Variants in MS4A7 observed in about 807,000 individuals in gnomAD.
The protein encoded by MS4A7 is membrane-spanning 4-domains subfamily A member 7.
MS4A7 carries 21 observed loss-of-function variants against 23.5 expected under a neutral mutation model. The ratio of observed to expected loss-of-function variants is 0.89; its 90% CI spans 0.63 to 1.29. The LOEUF (loss-of-function observed/expected upper bound fraction) is 1.29, where lower values mean the gene tolerates loss of function less well. Among genes scored for constraint, MS4A7 ranks in the 50% most tolerant of loss-of-function variants. The pLI is 0.00. For synonymous variants in MS4A7, 111 were observed against 107.4 expected (o/e 1.03, Z -0.21); for missense variants, 263 against 274.2 (o/e 0.96, Z 0.29).
intron 1 of MS4A7, among the ~76,000 whole-genome samples, chr11:60,380,833 TAGGGGA>T (rs2085420949): frequency 6.6e-6 from 1 of 152,058 alleles, no homozygotes; most frequent in African/African-American, 2.4e-5. Context: ...GCTTCAACAA[TAGGGGA>T]GGAAGAATAG....
intron 4 of MS4A7, among the ~76,000 whole-genome samples, chr11:60,388,649 G>T (rs900710692): frequency 1.3e-5 from 2 of 152,114 alleles, no homozygotes; most frequent in Non-Finnish European, 2.9e-5. Context: ...AGGCTGCTAC[G>T]GAGAGAAGCA....
intron 4 of MS4A7, among the ~76,000 whole-genome samples, chr11:60,388,654 G>T (rs2085516116): frequency 6.6e-6 from 1 of 152,168 alleles, no homozygotes; most frequent in Non-Finnish European, 1.5e-5. Flanking sequence ...GCTACGGAGA[G>T]AAGCAAAGGC....
At chr11:60,389,138 GCCAGAAC>G (rs1199275325) in intron 4 of MS4A7, 2 of 470,752 alleles carry the variant, frequency 4.2e-6, no homozygotes, top group Non-Finnish European at 7.7e-6. Flanking sequence ...GAGTCAATGG[GCCAGAAC>G]CCCTCTCCCT....
At chr11:60,383,014 C>G in intron 1 of MS4A7, 115 bp from the exon 2 acceptor site, 3 of 1,155,382 alleles carry the variant, frequency 2.6e-6, no homozygotes, top group Non-Finnish European at 3.7e-6. Flanking sequence ...GAAGGACAAC[C>G]AGCCTTGGAA....
rs747513032 is a variant in MS4A7, at chr11:60,392,705, C to T, written c.567C>T (p.Leu189=). ...TGCAGGGTGTCCTAGTGGTGATGCT[C>T]ATCTTCACTGTGCTGGAGCTCTTAT... ...VSLTGVLVVM[L]IFTVLELLLA... is the part of the protein sequence containing the mutation. Residue 189 remains leucine (L), a synonymous_variant, in exon 6 of 7, where the codon CTC becomes CTT. Coordinates refer to ENST00000300184, the MANE Select transcript of MS4A7 (RefSeq NM_021201.5). The T allele has an allele frequency of 1.2e-6, 2 of 1,613,806 alleles. No homozygotes were observed. Among genetic ancestry groups the T allele is most frequent in the South Asian group, 2.2e-5 (2 of 91,060 alleles).
rs917012372 is a variant in MS4A7 at position 60,395,524 on chromosome 11, A to G, written c.*1663A>G. On this transcript the variant is annotated 3_prime_UTR_variant, in exon 7 of 7. Coordinates refer to ENST00000300184, the MANE Select transcript of MS4A7 (RefSeq NM_021201.5). ...TCATGATCTCATAGTTAAAATTGTA[A>G]TAAATTTAGGAATATAAAGGATCAA... 6.6e-6 allele frequency: 1 copy of G among 152,186 alleles called. No homozygotes were observed. Among genetic ancestry groups the G allele is most frequent in the Non-Finnish European group, 1.5e-5 (1 of 68,028 alleles). The allele number at this position is 152,186 out of a possible 1,614,324, so 9.4% of individuals were successfully genotyped here. A position where few individuals can be genotyped will look rare whatever the true frequency, so the allele number is the denominator to read the frequency against.
chr11:60,392,437 C>A (rs927852905), intron 5 of MS4A7, among the ~76,000 whole-genome samples: 1 of 151,890 alleles, frequency 6.6e-6, no homozygotes, highest in African/African-American at 2.4e-5. Context: ...ATAAAAGCAA[C>A]CAGAGATAAG....
At chr11:60,383,421 T>A in intron 2 of MS4A7, 133 bp downstream of exon 2, 1 of 1,034,650 alleles carries the variant, frequency 9.7e-7, no homozygotes. Flanking sequence ...GGACATGAAA[T>A]GGAGCTTTAA....
rs72472148 is a variant in MS4A7 at position 60,390,027 on chromosome 11, T to C, written c.546+431T>C. ...GTTGGATGCCCCTACCCCTTAAAGA[T>C]GCTTGTCTTCTGATCATCAGTGAAT... On this transcript the variant is annotated intron_variant, in intron 5 of 6. Transcript: ENST00000300184. 2,175 of 219,302 alleles carry C rather than the reference T, an allele frequency of 9.9e-3. 94 individuals carry two copies. The highest frequency in any genetic ancestry group is 0.082 in the Admixed American group (1,575 of 19,124). 13.6% of individuals were successfully genotyped at this position (219,302 alleles called of 1,614,324 possible).
intron 1 of MS4A7, among the ~76,000 whole-genome samples, chr11:60,382,613 G>A (rs1405463130): frequency 1.3e-5 from 2 of 152,216 alleles, no homozygotes; most frequent in African/African-American, 4.8e-5. Flanking sequence ...GATGGGACAG[G>A]CCATCTCGCT....
At chr11:60,379,583 G>A (rs1303468195) in intron 1 of MS4A7, among the ~76,000 whole-genome samples, 1 of 86,944 alleles carries the variant, frequency 1.2e-5, no homozygotes, top group Non-Finnish European at 2.6e-5. Flanking sequence ...CAGTCACCCA[G>A]GCTAGAGTGC....
chr11:60,380,321 G>A (rs185747956), intron 1 of MS4A7, among the ~76,000 whole-genome samples: 32 of 152,330 alleles, frequency 2.1e-4, no homozygotes, highest in African/African-American at 7.2e-4. Flanking sequence ...AGTGACAGAT[G>A]GGAAGAGAGA....
intron 5 of MS4A7, 120 bp from the exon 6 acceptor site, chr11:60,392,565 A>G (rs1186856727): frequency 1.5e-6 from 1 of 673,458 alleles, no homozygotes; most frequent in Non-Finnish European, 2.6e-6. Context: ...AAAGAGGATT[A>G]AGCAATTTTC....
At chr11:60,387,288 C>T (rs775913990) in intron 4 of MS4A7, among the ~76,000 whole-genome samples, 1 of 152,150 alleles carries the variant, frequency 6.6e-6, no homozygotes, top group Non-Finnish European at 1.5e-5. Flanking sequence ...GCCCAGAAAG[C>T]CTATATCCTG....
chr11:60,385,187 T>C lies in MS4A7; in HGVS notation c.247T>C (p.Leu83=). ...SHFNPAISTT[L]MSGYPFLGAL... ...CTTCAATCCAGCAATTTCCACCACT[T>C]TGATGTCTGGGTACCCATTTTTAGG... The change falls in exon 3 of 7, where the codon TTG becomes CTG. Residue 83 remains leucine, a synonymous_variant. Coordinates refer to ENST00000300184, the MANE Select transcript of MS4A7 (RefSeq NM_021201.5). 1 of 1,614,142 alleles carries C rather than the reference T, an allele frequency of 6.2e-7. No individual in the cohort carries two copies. The highest frequency in any genetic ancestry group is 8.5e-7 in the Non-Finnish European group (1 of 1,179,986).
In MS4A7 at chr11:60,395,552, T is replaced by C. The variant is rs1274875165; in HGVS notation, c.*1691T>C. The stretch of plus-strand genomic sequence containing the variant: ...AATTTAGGAATATAAAGGATCAATA[T>C]GGGAAGCAAAATTTCTAAAGGCAGT... On this transcript the variant is annotated 3_prime_UTR_variant, in exon 7 of 7. Coordinates refer to ENST00000300184, the MANE Select transcript of MS4A7 (RefSeq NM_021201.5). 6.6e-6 allele frequency: 1 copy of C among 152,186 alleles called. No homozygotes were observed. The highest frequency in any genetic ancestry group is 1.5e-5 in the Non-Finnish European group (1 of 68,030). 9.4% of individuals were successfully genotyped at this position (152,186 alleles called of 1,614,324 possible). A position where few individuals can be genotyped will look rare whatever the true frequency, so the allele number is the denominator to read the frequency against.
chr11:60,385,150 C>A lies in MS4A7; in HGVS notation c.210C>A (p.Pro70=), dbSNP rs1265655941. 6.2e-7 allele frequency: 1 copy of A among 1,614,130 alleles called. No homozygotes were observed. The highest frequency in any genetic ancestry group is 8.5e-7 in the Non-Finnish European group (1 of 1,179,984). Residue 70 remains proline, a synonymous_variant, in exon 3 of 7, where the codon CCC becomes CCA. Coordinates refer to ENST00000300184, the MANE Select transcript of MS4A7 (RefSeq NM_021201.5). ...TGGGGGCCATCTTGGTTTTTGCTCC[C>A]TACCCCTCCCACTTCAATCCAGCAA... ...SSLGAILVFA[P]YPSHFNPAIS...
In MS4A7 at chr11:60,391,341, G is replaced by A. The variant is rs781447104; in HGVS notation, c.547-1344G>A. Among the ~76,000 whole-genome samples the A allele has an allele frequency of 5.1e-4, 77 of 152,194 alleles. 1 individual carries two copies. In the Middle Eastern group the frequency reaches 0.031, roughly 61 times the overall value. The stretch of plus-strand genomic sequence containing the variant: ...TTACGAGATATGTGAAACTTCTAAG[G>A]TTCTAGCAGAATCAAATCTAAAACT... On this transcript the variant is annotated intron_variant, in intron 5 of 6. Transcript: ENST00000300184.
chr11:60,393,846 A>G lies in MS4A7; in HGVS notation c.708A>G (p.Ser236=), dbSNP rs1438218057. 6.2e-7 allele frequency: 1 copy of G among 1,611,018 alleles called. No individual in the cohort carries two copies. Among genetic ancestry groups the G allele is most frequent in the Non-Finnish European group, 8.5e-7 (1 of 1,178,722 alleles). Residue 236 remains serine (S), a synonymous_variant, in exon 7 of 7, where the codon TCA becomes TCG. Transcript: ENST00000300184. ...DHIQQVKKSS[S]RSWI Reference sequence around the variant, plus strand: ...TCCAACAGGTCAAAAAGAGTTCTTCACGGTCTTGGATATAAGTAACTCTTG... The same window carrying G: ...TCCAACAGGTCAAAAAGAGTTCTTCGCGGTCTTGGATATAAGTAACTCTTG...
Sources: allele counts gnomAD v4.1 joint callset (sites outside exome capture counted in the v4.1 genomes callset), GRCh38; gene constraint gnomAD v4.1.1; transcripts MANE v1.5; gene names NCBI Gene and HGNC (gene_info 2026-07-23, HGNC 2026-07-21).